Variants in PLPP1 observed in about 807,000 individuals in gnomAD.
PLPP1 encodes the protein phospholipid phosphatase 1.
Under a neutral mutation model 31.2 loss-of-function variants are expected in PLPP1, and 24 were observed. The ratio of observed to expected loss-of-function variants is 0.77; its 90% confidence interval spans 0.56 to 1.08. PLPP1 has a LOEUF of 1.08. PLPP1 is among the 50% of genes least tolerant of loss of function. The pLI is 0.00. For synonymous variants in PLPP1, 146 were observed against 126.3 expected, an observed-to-expected ratio of 1.16 and a Z score of -1.05; for missense variants, 319 against 342.7, an observed-to-expected ratio of 0.93 and a Z score of 0.55.
chr5:55,474,004 T>TTTTG (rs1561237121), intron 2 of PLPP1, among the ~76,000 whole-genome samples: 5 of 150,758 alleles, frequency 3.3e-5, no homozygotes, highest in Middle Eastern at 3.5e-3. Flanking sequence ...GTTGTTTTTT[T>TTTTG]TTTTTTTTTC....
chr5:55,437,966 G>C (rs562710487), intron 4 of PLPP1, among the ~76,000 whole-genome samples: 1 of 152,334 alleles, frequency 6.6e-6, no homozygotes, highest in East Asian at 1.9e-4. Context: ...AAGAGTCTGA[G>C]TGGATTTAGA....
At chr5:55,448,215 T>A (rs908959254) in intron 3 of PLPP1, among the ~76,000 whole-genome samples, 1 of 152,192 alleles carries the variant, frequency 6.6e-6, no homozygotes, top group Non-Finnish European at 1.5e-5. Context: ...ATCAGATTAT[T>A]ATCTACAAGA....
intron 4 of PLPP1, among the ~76,000 whole-genome samples, chr5:55,433,422 C>G (rs1157517841): frequency 4.8e-4 from 23 of 48,414 alleles, no homozygotes; most frequent in Admixed American, 2.8e-4. Context: ...TGTAGAAAAA[C>G]CTAAAGACTC....
intron 1 of PLPP1, among the ~76,000 whole-genome samples, chr5:55,512,325 G>C (rs1753432608): frequency 6.6e-6 from 1 of 151,670 alleles, no homozygotes; most frequent in African/African-American, 2.4e-5. Context: ...ACAAAAATTA[G>C]CCAGGCGTGG....
In PLPP1 at chr5:55,441,928, A is replaced by T. The variant is rs1561224631; in HGVS notation, c.492-20T>A. The T allele has an allele frequency of 6.2e-7, 1 of 1,609,258 alleles. No individual in the cohort carries two copies. Among genetic ancestry groups the T allele is most frequent in the South Asian group, 1.1e-5 (1 of 90,964 alleles). Reference sequence around the variant, plus strand: ...GACAACCTGGAAGAAAAAGAAGACAAATGTTACTTTTCTCTCTTAGGAGCC... The same window carrying T: ...GACAACCTGGAAGAAAAAGAAGACATATGTTACTTTTCTCTCTTAGGAGCC... On this transcript the variant is annotated intron_variant, in intron 3 of 5. Transcript: ENST00000307259.
chr5:55,499,414 G>GA (rs1453098179), intron 1 of PLPP1, among the ~76,000 whole-genome samples: 1 of 152,076 alleles, frequency 6.6e-6, no homozygotes, highest in East Asian at 1.9e-4. Flanking sequence ...CAGTAAAAAG[G>GA]ACAAATTATA....
chr5:55,511,678 T>C (rs1269682987), intron 1 of PLPP1, among the ~76,000 whole-genome samples: 2 of 135,024 alleles, frequency 1.5e-5, no homozygotes, highest in African/African-American at 2.8e-5. Flanking sequence ...TTTTTTTTTT[T>C]TTTGAGATGG....
chr5:55,522,691 A>ATTTTGTTTTGTTTTG lies in PLPP1; in HGVS notation c.58+11866_58+11880dup, dbSNP rs148739898. 8.2e-4 allele frequency among the ~76,000 whole-genome samples: 124 copies of ATTTTGTTTTGTTTTG among 150,324 alleles called. 1 individual carries two copies. Among genetic ancestry groups the ATTTTGTTTTGTTTTG allele is most frequent in the African/African-American group, 2.8e-3 (114 of 40,720 alleles). On this transcript the variant is annotated intron_variant, in intron 1 of 5. Transcript: ENST00000307259. ...AATATTTAAGCCATCTAAAATAATC[A>ATTTTGTTTTGTTTTG]TTTTGTTTTGTTTTGTTTTGTTTTG...
At chr5:55,452,107 A>G (rs540075222) in intron 3 of PLPP1, among the ~76,000 whole-genome samples, 17 of 152,296 alleles carry the variant, frequency 1.1e-4, no homozygotes, top group African/African-American at 4.1e-4. Flanking sequence ...CAACAGCTCC[A>G]GAACCATCAC....
At chr5:55,508,793 C>T (rs7707766) in intron 1 of PLPP1, 121,026 of 153,970 alleles carry the variant, frequency 0.79, 48,501 homozygotes, top group Non-Finnish European at 0.87. Flanking sequence ...GAAGTGAAGA[C>T]CCAGGTGTAC....
intron 2 of PLPP1, among the ~76,000 whole-genome samples, chr5:55,471,731 T>C (rs183605175): frequency 6.6e-6 from 1 of 152,178 alleles, no homozygotes; most frequent in Non-Finnish European, 1.5e-5. Flanking sequence ...AAATAAATGA[T>C]TTACTTTCTA....
intron 1 of PLPP1, among the ~76,000 whole-genome samples, chr5:55,521,742 TC>T (rs1334086189): frequency 6.6e-6 from 1 of 152,148 alleles, no homozygotes; most frequent in African/African-American, 2.4e-5. Context: ...GTTATATTTT[TC>T]CCTTGATCGA....
At chr5:55,498,290 T>TA (rs1753045448) in intron 1 of PLPP1, among the ~76,000 whole-genome samples, 2 of 151,956 alleles carry the variant, frequency 1.3e-5, no homozygotes, top group African/African-American at 2.4e-5. Context: ...TTAGAGATGT[T>TA]AAGGGCCTGA....
chr5:55,469,844 T>C (rs541036750), intron 2 of PLPP1, among the ~76,000 whole-genome samples: 3 of 152,318 alleles, frequency 2.0e-5, no homozygotes, highest in African/African-American at 7.2e-5. Flanking sequence ...AATGAGACTA[T>C]GAACTCTACA....
At chr5:55,531,285 C>T (rs1295572531) in intron 1 of PLPP1, among the ~76,000 whole-genome samples, 1 of 152,166 alleles carries the variant, frequency 6.6e-6, no homozygotes, top group Non-Finnish European at 1.5e-5. Flanking sequence ...ACTAATAATT[C>T]AAACGTGTAT....
chr5:55,501,214 T>C (rs1264128871), intron 1 of PLPP1, among the ~76,000 whole-genome samples: 4 of 151,924 alleles, frequency 2.6e-5, no homozygotes, highest in African/African-American at 7.3e-5. Context: ...TCAGGAGGCT[T>C]TGACAGAACA....
At position 55,534,448 on chromosome 5, in the gene PLPP1, C is replaced by T. The variant is rs1463836090; in HGVS notation, c.58+124G>A. 1.1e-5 allele frequency: 11 copies of T among 1,037,114 alleles called. No homozygotes were observed. In the South Asian group the frequency reaches 1.1e-4, roughly 11 times the overall value. 64.2% of individuals were successfully genotyped at this position (1,037,114 alleles called of 1,614,324 possible). A position where few individuals can be genotyped will look rare whatever the true frequency, so the allele number is the denominator to read the frequency against. The stretch of plus-strand genomic sequence containing the variant: ...GGTCCCTCGGCTGCAGAAGCCGCCC[C>T]CGTGTGTCGCCCCACAGCTGCGCAC... On this transcript the variant is annotated intron_variant, in intron 1 of 5. Coordinates refer to ENST00000307259, the MANE Select transcript of PLPP1 (RefSeq NM_003711.4).
intron 1 of PLPP1, among the ~76,000 whole-genome samples, chr5:55,528,125 T>C (rs1368992716): frequency 4.6e-5 from 7 of 152,130 alleles, no homozygotes; most frequent in African/African-American, 7.2e-5. Flanking sequence ...CAGTTCCAGC[T>C]AAATCTTCTA....
intron 1 of PLPP1, among the ~76,000 whole-genome samples, chr5:55,504,457 G>A (rs1189334368): frequency 1.4e-5 from 2 of 146,766 alleles, no homozygotes; most frequent in South Asian, 2.2e-4. Context: ...CCCAGGAGAT[G>A]GAGGTTGCAG....
Sources: gnomAD v4.1 joint callset for allele counts (sites outside exome capture counted in the v4.1 genomes callset) on GRCh38, gnomAD v4.1.1 for gene constraint, MANE v1.5 for transcripts, NCBI Gene and HGNC (gene_info 2026-07-23, HGNC 2026-07-21) for gene names.